ANKS1B: variants seen among roughly 807,000 people sequenced by gnomAD.
ANKS1B encodes ankyrin repeat and sterile alpha motif domain containing 1B, also known as ankyrin repeat and sterile alpha motif domain-containing protein 1B.
In ANKS1B, 36 loss-of-function variants were observed where a neutral mutation model predicts 148.3. The ratio of observed to expected loss-of-function variants is 0.24; its 90% confidence interval spans 0.19 to 0.32. The LOEUF (loss-of-function observed/expected upper bound fraction) is 0.32. ANKS1B is among the 10% of genes least tolerant of loss of function. ANKS1B has a pLI of 1.00. For missense variants in ANKS1B, 1,157 were observed against 1,542.6 expected (o/e 0.75, Z 4.19); for synonymous variants, 542 against 560.8 (o/e 0.97, Z 0.47).
At chr12:99,477,269 G>GA (rs1001212152) in intron 10 of ANKS1B, among the ~76,000 whole-genome samples, 2 of 152,176 alleles carry the variant, frequency 1.3e-5, no homozygotes, top group Admixed American at 6.6e-5. Context: ...CAGTTGTGGA[G>GA]AAAAAGACTG....
At chr12:98,836,941 G>T (rs1450702496) in intron 17 of ANKS1B, among the ~76,000 whole-genome samples, 2 of 152,140 alleles carry the variant, frequency 1.3e-5, no homozygotes, top group Non-Finnish European at 1.5e-5. Flanking sequence ...GGAGAGATCA[G>T]GCACAAATAA....
At chr12:98,779,324 G>A (rs1315629463) in intron 24 of ANKS1B, among the ~76,000 whole-genome samples, 2 of 152,036 alleles carry the variant, frequency 1.3e-5, no homozygotes, top group African/African-American at 4.8e-5. Flanking sequence ...CAATGGAACC[G>A]GCAGAGCTCT....
At chr12:99,193,983 G>A (rs1481034540) in intron 14 of ANKS1B, among the ~76,000 whole-genome samples, 1 of 151,532 alleles carries the variant, frequency 6.6e-6, no homozygotes, top group Non-Finnish European at 1.5e-5. Context: ...TGTATTTTTA[G>A]TAGAGATGGG....
intron 12 of ANKS1B, among the ~76,000 whole-genome samples, chr12:99,351,389 GGT>G (rs1397516693): frequency 2.6e-5 from 4 of 151,580 alleles, no homozygotes; most frequent in African/African-American, 9.7e-5. Context: ...TTTTAATTTT[GGT>G]GGTAATCCTG....
intron 16 of ANKS1B, among the ~76,000 whole-genome samples, chr12:99,057,812 G>A (rs1359556195): frequency 1.3e-5 from 2 of 152,292 alleles, no homozygotes; most frequent in South Asian, 4.1e-4. Context: ...CATAAGAATA[G>A]CAAGTGCTGA....
chr12:99,314,732 C>T (rs749001148), intron 12 of ANKS1B, among the ~76,000 whole-genome samples: 28 of 151,822 alleles, frequency 1.8e-4, no homozygotes, highest in Non-Finnish European at 2.5e-4. Context: ...AAACTGAAAT[C>T]GGAACCCTTC....
At chr12:99,613,055 T>C (rs1381864065) in intron 9 of ANKS1B, among the ~76,000 whole-genome samples, 1 of 152,138 alleles carries the variant, frequency 6.6e-6, no homozygotes, top group Non-Finnish European at 1.5e-5. Flanking sequence ...ATCCTTGAAC[T>C]GGGAGAAACC....
intron 12 of ANKS1B, among the ~76,000 whole-genome samples, chr12:99,397,455 C>T (rs762505920): frequency 4.0e-5 from 6 of 151,832 alleles, no homozygotes; most frequent in Non-Finnish European, 7.4e-5. Context: ...AGAAAGACGA[C>T]AAGAAATAAG....
chr12:99,886,492 C>A (rs115950203), intron 1 of ANKS1B, among the ~76,000 whole-genome samples: 261 of 152,196 alleles, frequency 1.7e-3, no homozygotes, highest in African/African-American at 6.1e-3. Context: ...TGTATAGACA[C>A]ATGTATCTTA....
chr12:99,281,955 C>T (rs2078520849), intron 12 of ANKS1B, among the ~76,000 whole-genome samples: 1 of 152,098 alleles, frequency 6.6e-6, no homozygotes. Flanking sequence ...TGTGCTGGGC[C>T]TTCAGTAAGA....
At chr12:99,032,744 T>C (rs1437878677) in intron 17 of ANKS1B, among the ~76,000 whole-genome samples, 1 of 152,256 alleles carries the variant, frequency 6.6e-6, no homozygotes, top group Non-Finnish European at 1.5e-5. Context: ...TTGTTGGGTC[T>C]CATGAACTTT....
At chr12:98,833,591 T>TA (rs397737966) in intron 17 of ANKS1B, among the ~76,000 whole-genome samples, 27 of 151,810 alleles carry the variant, frequency 1.8e-4, no homozygotes, top group African/African-American at 5.8e-4. Context: ...GAATTTTTTT[T>TA]AAATTTCAAC....
chr12:98,835,942 C>T (rs1483339192), intron 17 of ANKS1B, among the ~76,000 whole-genome samples: 4 of 152,192 alleles, frequency 2.6e-5, no homozygotes, highest in Non-Finnish European at 5.9e-5. Context: ...AGTGGTTATA[C>T]ACAAATATAA....
intron 1 of ANKS1B, among the ~76,000 whole-genome samples, chr12:99,901,271 C>T (rs2093589896): frequency 6.6e-6 from 1 of 152,128 alleles, no homozygotes; most frequent in Non-Finnish European, 1.5e-5. Context: ...CACAGTTCAC[C>T]CATGATTTCA....
chr12:99,500,872 G>A (rs2096648861), intron 10 of ANKS1B, among the ~76,000 whole-genome samples: 1 of 152,066 alleles, frequency 6.6e-6, no homozygotes, highest in African/African-American at 2.4e-5. Context: ...GATTAGACGA[G>A]AAAACTTTGC....
intron 1 of ANKS1B, among the ~76,000 whole-genome samples, chr12:99,947,598 T>C (rs1273178342): frequency 2.6e-5 from 4 of 152,074 alleles, no homozygotes; most frequent in South Asian, 2.1e-4. Context: ...GCTATATCAG[T>C]TTTCTGTTGC....
rs1358320229 is a variant in ANKS1B, at chr12:99,135,985, A to T, written c.2526+18304T>A. Among the ~76,000 whole-genome samples, 3 of 152,314 alleles carry T rather than the reference A, an allele frequency of 2.0e-5. No individual in the cohort carries two copies. In the East Asian group the frequency reaches 5.8e-4, roughly 29 times the overall value. ...GAGATGGGTCCCAGGAAAAATGTAGATCAGAAAAACAGATAGTATGATGGA... is the reference window on the plus strand; with the variant it reads ...GAGATGGGTCCCAGGAAAAATGTAGTTCAGAAAAACAGATAGTATGATGGA... On this transcript the variant is annotated intron_variant, in intron 15 of 26. Transcript: ENST00000683438.
intron 15 of ANKS1B, among the ~76,000 whole-genome samples, chr12:99,148,402 T>G (rs1339027090): frequency 6.6e-6 from 1 of 152,046 alleles, no homozygotes; most frequent in Non-Finnish European, 1.5e-5. Flanking sequence ...AACACAAGAT[T>G]TGAATCATGG....
At chr12:98,864,871 T>C (rs1470448816) in intron 17 of ANKS1B, among the ~76,000 whole-genome samples, 1 of 152,182 alleles carries the variant, frequency 6.6e-6, no homozygotes, top group East Asian at 1.9e-4. Context: ...TCCCTCAGTT[T>C]CTCTGTTACA....
Sources: allele counts gnomAD v4.1 joint callset (sites outside exome capture counted in the v4.1 genomes callset), GRCh38; gene constraint gnomAD v4.1.1; transcripts MANE v1.5; gene names NCBI Gene and HGNC (gene_info 2026-07-23, HGNC 2026-07-21).